The following BCL6B variants were observed in gnomAD, a reference collection of about 807,000 sequenced individuals.
BCL6B encodes the protein BCL6B transcription repressor, also known as B-cell CLL/lymphoma 6 member B protein.
BCL6B carries 28 observed loss-of-function variants against 44.6 expected under a neutral mutation model. The observed-to-expected ratio is 0.63, with a 90% CI of 0.47 to 0.86. The LOEUF is 0.86. Among genes scored for constraint, BCL6B ranks in the 40% least tolerant of loss-of-function variants. The pLI is 0.00. For synonymous variants in BCL6B, 268 were observed against 263.6 expected (o/e 1.02, Z -0.16); for missense variants, 626 against 652.3 (o/e 0.96, Z 0.44).
Position 7,027,079 on chromosome 17 carries a change from C to T in BCL6B, c.1315C>T (p.Pro439Ser). The T allele has an allele frequency of 6.2e-7, 1 of 1,613,978 alleles. No individual in the cohort carries two copies. Residue 439 changes from proline to serine, a missense_variant, in exon 8 of 9, where the codon CCT becomes TCT. Coordinates refer to ENST00000293805, the MANE Select transcript of BCL6B (RefSeq NM_181844.4). ...SHVRIHTGEK[P>S]YHCDPCGLHF... Reference sequence around the variant, plus strand: ...CGTTCGCATCCACACCGGAGAGAAGCCTTACCACGTGGGTACCCAACCTGG... The same window carrying T: ...CGTTCGCATCCACACCGGAGAGAAGTCTTACCACGTGGGTACCCAACCTGG...
intron 1 of BCL6B, 192 bp from the exon 2 acceptor site, chr17:7,023,468 T>C (rs1019960428): frequency 1.4e-5 from 8 of 589,198 alleles, no homozygotes; most frequent in Non-Finnish European, 2.3e-5. Context: ...CTGTGGGATC[T>C]GGAAGAGGCA....
chr17:7,029,306 A>G lies in BCL6B; in HGVS notation c.*1687A>G. On this transcript the variant is annotated 3_prime_UTR_variant, in exon 9 of 9. Coordinates refer to ENST00000293805, the MANE Select transcript of BCL6B (RefSeq NM_181844.4). Reference sequence around the variant, plus strand: ...AAGAAGCGCTGAAGCCTTGATTGATAGTTCTGCCCCTTGTTGCCCTGGGGC... The same window carrying G: ...AAGAAGCGCTGAAGCCTTGATTGATGGTTCTGCCCCTTGTTGCCCTGGGGC... 1.0e-6 allele frequency: 1 copy of G among 987,126 alleles called. No individual in the cohort carries two copies. 61.1% of individuals were successfully genotyped at this position (987,126 alleles called of 1,614,324 possible).
rs565816457 is a variant in BCL6B at position 7,028,588 on chromosome 17, T to C, written c.*969T>C. ...GCTCTGCTGTATCCATCTATAGTGG[T>C]AGAGACCCACCAGGGCTCAAGTGGA... is the stretch of plus-strand genomic sequence containing the variant. On this transcript the variant is annotated 3_prime_UTR_variant, in exon 9 of 9. Transcript: ENST00000293805. The C allele has an allele frequency of 4.1e-6, 4 of 985,508 alleles. No individual in the cohort carries two copies. Among genetic ancestry groups the C allele is most frequent in the South Asian group, 9.4e-5 (2 of 21,292 alleles). 61.0% of individuals were successfully genotyped at this position (985,508 alleles called of 1,614,324 possible).
Position 7,023,793 on chromosome 17 carries a change from C to G in BCL6B, c.122C>G (p.Thr41Arg), listed in dbSNP as rs1388816680. 14 of 1,603,344 alleles carry G rather than the reference C, an allele frequency of 8.7e-6. No individual in the cohort carries two copies. Among genetic ancestry groups the G allele is most frequent in the Non-Finnish European group, 1.2e-5 (14 of 1,174,024 alleles). The part of the protein sequence containing the change: ...LRLRGILTDV[T>R]LLVGGQPLRA... ...CTGCGCGGGATCCTCACTGACGTCA[C>G]GCTGCTGGTTGGCGGGCAACCCCTC... Residue 41 changes from threonine (T) to arginine (R), a missense_variant, in exon 2 of 9, where the codon ACG (threonine) becomes AGG (arginine). Physicochemically the swap from Thr to Arg is moderately conservative, Grantham distance 71 (BLOSUM62 -1). Transcript: ENST00000293805.
Position 7,025,038 on chromosome 17 carries a change from T to C in BCL6B, c.765-38T>C, listed in dbSNP as rs199729147. 5.9e-5 allele frequency: 95 copies of C among 1,609,684 alleles called. No homozygotes were observed. In the African/African-American group the frequency reaches 7.9e-4, roughly 13 times the overall value. On this transcript the variant is annotated intron_variant, in intron 4 of 8. Coordinates refer to ENST00000293805, the MANE Select transcript of BCL6B (RefSeq NM_181844.4). ...GGAGAGAACCCCCACCCCTCAACCGTACAATCTCTTTTAACCCTTTCCTTG... is the reference window on the plus strand; with the variant it reads ...GGAGAGAACCCCCACCCCTCAACCGCACAATCTCTTTTAACCCTTTCCTTG...
rs2151663449 is a variant in BCL6B at position 7,024,836 on chromosome 17, G to A, written c.764+73G>A. ...GAAGACAGAGTCATTGGGCCTTGAT[G>A]GTCAGGAGGAAGGGAGATAGGTGGT... On this transcript the variant is annotated intron_variant, in intron 4 of 8. Transcript: ENST00000293805. The surrounding 1 kb of genome is among the most constrained non-coding windows in gnomAD (Gnocchi z 6.6). 6.6e-7 allele frequency: 1 copy of A among 1,511,420 alleles called. No homozygotes were observed. The highest frequency in any genetic ancestry group is 1.4e-5 in the African/African-American group (1 of 71,976). The allele number at this position is 1,511,420 out of a possible 1,614,324, so 93.6% of individuals were successfully genotyped here. A position where few individuals can be genotyped will look rare whatever the true frequency, so the allele number is the denominator to read the frequency against.
chr17:7,024,624 G>T lies in BCL6B; in HGVS notation c.625G>T (p.Ala209Ser). The change falls in exon 4 of 9, where the codon GCA (alanine) becomes TCA (serine). Residue 209 changes from alanine to serine, a missense_variant. Transcript: ENST00000293805. The surrounding 1 kb of genome is among the most constrained non-coding windows in gnomAD (Gnocchi z 6.6). ...CGTGCTAAACTCTCAGGCCTCCCAA[G>T]CAGGGAGCCTGGTCGGGGAGAGAAG... ...YIVLNSQASQAGSLVGERSSG... is the reference protein window; with the variant it reads ...YIVLNSQASQSGSLVGERSSG... 2 of 1,614,170 alleles carry T rather than the reference G, an allele frequency of 1.2e-6. No homozygotes were observed. The highest frequency in any genetic ancestry group is 1.7e-6 in the Non-Finnish European group (2 of 1,180,040).
In BCL6B at chr17:7,024,876, C is replaced by T; in HGVS notation, c.764+113C>T. ...AGATAGGTGGTGGGTTTCAGAGACACTAGCTCACCTTAAGGAGCTGGCCAG... is the reference window on the plus strand; with the variant it reads ...AGATAGGTGGTGGGTTTCAGAGACATTAGCTCACCTTAAGGAGCTGGCCAG... On this transcript the variant is annotated intron_variant, in intron 4 of 8. Transcript: ENST00000293805. The surrounding 1 kb of genome is among the most constrained non-coding windows in gnomAD (Gnocchi z 6.6). 6.8e-7 allele frequency: 1 copy of T among 1,471,780 alleles called. No homozygotes were observed. The allele number at this position is 1,471,780 out of a possible 1,614,324, so 91.2% of individuals were successfully genotyped here.
chr17:7,027,602 A>C lies in BCL6B; in HGVS notation c.1423A>C (p.Ile475Leu). 1 of 1,612,834 alleles carries C rather than the reference A, an allele frequency of 6.2e-7. No homozygotes were observed. The highest frequency in any genetic ancestry group is 8.5e-7 in the Non-Finnish European group (1 of 1,179,860). Residue 475 changes from isoleucine (I) to leucine (L), a missense_variant, in exon 9 of 9, where the codon ATT (isoleucine) becomes CTT (leucine). Physicochemically the swap from Ile to Leu is conservative, Grantham distance 5. Transcript: ENST00000293805. ...AATNTKVHYH[I>L]LGGP ...TACCAACACCAAAGTGCACTACCAC[A>C]TTCTCGGGGGGCCCTAGCTGAGCGC...
In BCL6B at chr17:7,024,733, A is replaced by C. The variant is rs201330544; in HGVS notation, c.734A>C (p.Glu245Ala). ...SSSSSSSSSS[E>A]EGPIPGPQSR... ...AGCAGCAGCAGCAGCAGCAGCAGTGAAGAAGGACCCATTCCTGGTCCCCAG... is the reference window on the plus strand; with the variant it reads ...AGCAGCAGCAGCAGCAGCAGCAGTGCAGAAGGACCCATTCCTGGTCCCCAG... The change falls in exon 4 of 9, where the codon GAA becomes GCA. Residue 245 changes from glutamate to alanine, a missense_variant. By Grantham distance (107) the Glu-to-Ala change is moderately radical (BLOSUM62 -1). Coordinates refer to ENST00000293805, the MANE Select transcript of BCL6B (RefSeq NM_181844.4). This position sits in a 1 kb window ranked among gnomAD's most constrained non-coding sequence, Gnocchi z 6.6. 2 of 1,485,258 alleles carry C rather than the reference A, an allele frequency of 1.3e-6. No homozygotes were observed. The highest frequency in any genetic ancestry group is 1.5e-5 in the African/African-American group (1 of 67,410). The allele number at this position is 1,485,258 out of a possible 1,614,324, so 92.0% of individuals were successfully genotyped here.
At chr17:7,027,402 G>A (rs1043664404) in intron 8 of BCL6B, 101 bp from the exon 9 acceptor site, 61 of 1,353,090 alleles carry the variant, frequency 4.5e-5, no homozygotes, top group African/African-American at 1.1e-4. Context: ...CTGATCTTCC[G>A]CTGGATAGTT....
Position 7,024,635 on chromosome 17 carries a change from G to C in BCL6B, c.636G>C (p.Leu212=). The C allele has an allele frequency of 6.2e-7, 1 of 1,614,166 alleles. No homozygotes were observed. The highest frequency in any genetic ancestry group is 8.5e-7 in the Non-Finnish European group (1 of 1,180,042). The change falls in exon 4 of 9, where the codon CTG becomes CTC. Residue 212 remains leucine, a synonymous_variant. Transcript: ENST00000293805. The surrounding 1 kb of genome is among the most constrained non-coding windows in gnomAD (Gnocchi z 6.6). ...CTCAGGCCTCCCAAGCAGGGAGCCT[G>C]GTCGGGGAGAGAAGTTCTGGTCAAC... ...LNSQASQAGS[L]VGERSSGQPC...
chr17:7,027,351 A>C, intron 8 of BCL6B, 152 bp from the exon 9 acceptor site: 1 of 1,008,988 alleles, frequency 9.9e-7, no homozygotes, highest in Non-Finnish European at 1.5e-6. Flanking sequence ...CTATCCCCTC[A>C]GCCACCCCTG....
In BCL6B at chr17:7,024,246, G is replaced by A. The variant is rs1490530230; in HGVS notation, c.343G>A (p.Ala115Thr). 4 of 1,613,552 alleles carry A rather than the reference G, an allele frequency of 2.5e-6. No homozygotes were observed. The highest frequency in any genetic ancestry group is 3.4e-6 in the Non-Finnish European group (4 of 1,180,012). Residue 115 changes from alanine to threonine, a missense_variant, in exon 3 of 9, where the codon GCC (alanine) becomes ACC (threonine). Transcript: ENST00000293805. The surrounding 1 kb of genome is among the most constrained non-coding windows in gnomAD (Gnocchi z 6.6). ...PATAPAVLAA[A>T]TYLQMEHVVQ... Reference sequence around the variant, plus strand: ...CACTGCACCAGCAGTCCTAGCGGCCGCCACCTATTTGCAGATGGAGCACGT... The same window carrying A: ...CACTGCACCAGCAGTCCTAGCGGCCACCACCTATTTGCAGATGGAGCACGT...
In BCL6B at chr17:7,028,316, G is replaced by T; in HGVS notation, c.*697G>T. ...TGGAATTGGGTCAGGAACCCTCTCT[G>T]GTATTCTGGATGTTGTAGGTTCTCT... On this transcript the variant is annotated 3_prime_UTR_variant, in exon 9 of 9. Transcript: ENST00000293805. 2.5e-5 allele frequency: 25 copies of T among 984,862 alleles called. No individual in the cohort carries two copies. Among genetic ancestry groups the T allele is most frequent in the Non-Finnish European group, 3.0e-5 (25 of 829,838 alleles). 61.0% of individuals were successfully genotyped at this position (984,862 alleles called of 1,614,324 possible).
chr17:7,024,170 C>T lies in BCL6B; in HGVS notation c.267C>T (p.Phe89=), dbSNP rs372366130. The change falls in exon 3 of 9, where the codon TTC becomes TTT. Residue 89 remains phenylalanine, a synonymous_variant. Coordinates refer to ENST00000293805, the MANE Select transcript of BCL6B (RefSeq NM_181844.4). This position sits in a 1 kb window ranked among gnomAD's most constrained non-coding sequence, Gnocchi z 6.6. ...SLPGGPEARG[F]APLLDFMYTS... is the part of the protein sequence containing the mutation. ...CCGGGGGTCCCGAAGCGAGAGGCTT[C>T]GCCCCTCTATTGGACTTCATGTACA... 6 of 1,613,866 alleles carry T rather than the reference C, an allele frequency of 3.7e-6. No homozygotes were observed. The East Asian group carries it at 8.9e-5, about 24-fold the overall frequency.
Position 7,024,070 on chromosome 17 carries a change from G to GCT in BCL6B, c.180-4_180-3dup, listed in dbSNP as rs779287864. On this transcript the variant is annotated splice_polypyrimidine_tract_variant and intron_variant, in intron 2 of 8. Coordinates refer to ENST00000293805, the MANE Select transcript of BCL6B (RefSeq NM_181844.4). The surrounding 1 kb of genome is among the most constrained non-coding windows in gnomAD (Gnocchi z 6.6). The stretch of plus-strand genomic sequence containing the variant: ...TCCCCAGCCCCCAAAGGACTTATCT[G>GCT]CTCTCTCTCTAGTGGCTTCTTCTAT... 24 of 1,612,904 alleles carry GCT rather than the reference G, an allele frequency of 1.5e-5. No individual in the cohort carries two copies. The East Asian group carries it at 4.9e-4, about 33-fold the overall frequency.
Position 7,027,849 on chromosome 17 carries a change from G to T in BCL6B, c.*230G>T, listed in dbSNP as rs1597341857. 2.1e-5 allele frequency: 30 copies of T among 1,397,894 alleles called. No homozygotes were observed. The South Asian group carries it at 4.0e-4, about 19-fold the overall frequency. 86.6% of individuals were successfully genotyped at this position (1,397,894 alleles called of 1,614,324 possible). On this transcript the variant is annotated 3_prime_UTR_variant, in exon 9 of 9. Transcript: ENST00000293805. ...CCCCACAAGCCAGATTGTTTCTGAGGAGAGAGCTAGCTAGGGGCTGGGAAA... is the reference window on the plus strand; with the variant it reads ...CCCCACAAGCCAGATTGTTTCTGAGTAGAGAGCTAGCTAGGGGCTGGGAAA...
chr17:7,027,100 C>A lies in BCL6B; in HGVS notation c.1323+13C>A. 1 of 1,613,644 alleles carries A rather than the reference C, an allele frequency of 6.2e-7. No homozygotes were observed. Among genetic ancestry groups the A allele is most frequent in the Non-Finnish European group, 8.5e-7 (1 of 1,179,944 alleles). ...GAAGCCTTACCACGTGGGTACCCAA[C>A]CTGGCCTGCCCACTGCCTTAGAATT... On this transcript the variant is annotated intron_variant, in intron 8 of 8. Transcript: ENST00000293805.
Sources: allele counts gnomAD v4.1 joint callset, GRCh38; gene constraint gnomAD v4.1.1; non-coding constraint Gnocchi (gnomAD v3.1); transcripts MANE v1.5; gene names NCBI Gene and HGNC (gene_info 2026-07-23, HGNC 2026-07-21).